The following PRKD2 variants were observed in gnomAD, a reference collection of about 807,000 sequenced individuals.
PRKD2 encodes serine/threonine-protein kinase D2.
A neutral mutation model predicts 86.0 loss-of-function variants in PRKD2; 22 were observed. The ratio of observed to expected loss-of-function variants is 0.26; its 90% CI spans 0.18 to 0.37. The LOEUF (loss-of-function observed/expected upper bound fraction) is 0.37. PRKD2 is among the 10% of genes least tolerant of loss of function. The pLI is 1.00. For missense variants in PRKD2, 818 were observed against 1,199.2 expected (o/e 0.68, Z 4.70); for synonymous variants, 509 against 510.9 (o/e 1.00, Z 0.05).
chr19:46,700,150 C>T (rs1225936347), intron 7 of PRKD2, among the ~76,000 whole-genome samples: 7 of 152,080 alleles, frequency 4.6e-5, no homozygotes, highest in African/African-American at 1.7e-4. Flanking sequence ...GCAGGAGAAT[C>T]GCTTGAACCC....
Position 46,678,273 on chromosome 19 carries a change from C to A in PRKD2, c.2338+123G>T. On this transcript the variant is annotated intron_variant, in intron 16 of 17. Transcript: ENST00000291281. This position sits in a 1 kb window ranked among gnomAD's most constrained non-coding sequence, Gnocchi z 5.7. ...CATCCCTCCAGTAGGCCCGCCCCAG[C>A]ACTGGGCTCCACCCCCAAGGTGCCA... The A allele has an allele frequency of 1.4e-6, 2 of 1,431,460 alleles. No homozygotes were observed. The highest frequency in any genetic ancestry group is 2.1e-5 in the Admixed American group (1 of 48,060). The allele number at this position is 1,431,460 out of a possible 1,614,324, so 88.7% of individuals were successfully genotyped here.
intron 7 of PRKD2, among the ~76,000 whole-genome samples, chr19:46,699,065 A>G (rs375825187): frequency 6.6e-6 from 1 of 152,028 alleles, no homozygotes. Flanking sequence ...TGGCTTACCC[A>G]TCCCCTTTCT....
At chr19:46,677,241 AG>A (rs1376274492) in intron 16 of PRKD2, 1 of 152,430 alleles carries the variant, frequency 6.6e-6, no homozygotes, top group Non-Finnish European at 1.5e-5. Context: ...CACCCTCCAG[AG>A]AGGACCCTTC....
intron 16 of PRKD2, among the ~76,000 whole-genome samples, chr19:46,675,430 C>T (rs979491919): frequency 3.3e-5 from 5 of 151,932 alleles, no homozygotes; most frequent in African/African-American, 4.8e-5. Flanking sequence ...TACACCTGTA[C>T]TATTCTTTTT....
intron 9 of PRKD2, 124 bp from the exon 10 acceptor site, chr19:46,694,257 C>T: frequency 2.3e-6 from 3 of 1,287,842 alleles, no homozygotes; most frequent in Non-Finnish European, 3.2e-6. Context: ...AGTGGTCAGA[C>T]AAGTTCCCAG....
chr19:46,713,186 CT>C (rs59172459), intron 2 of PRKD2, among the ~76,000 whole-genome samples: 9,156 of 118,998 alleles, frequency 0.077, 968 homozygotes, highest in African/African-American at 0.25. Context: ...GCCCGGTTAA[CT>C]TTTTTTTTTT....
intron 9 of PRKD2, among the ~76,000 whole-genome samples, chr19:46,694,415 C>A (rs2053527632): frequency 6.6e-6 from 1 of 151,764 alleles, no homozygotes; most frequent in East Asian, 2.0e-4. Flanking sequence ...GCCAACATGG[C>A]AAAATCCCGT....
intron 14 of PRKD2, among the ~76,000 whole-genome samples, chr19:46,688,256 G>A (rs1427570113): frequency 1.3e-5 from 2 of 151,898 alleles, no homozygotes; most frequent in South Asian, 2.1e-4. Context: ...TCTGGCCTTA[G>A]CTTCCTGAGT....
At chr19:46,674,960 CT>C in intron 17 of PRKD2, 72 bp downstream of exon 17, 1 of 1,420,082 alleles carries the variant, frequency 7.0e-7, no homozygotes, top group Non-Finnish European at 9.7e-7. Flanking sequence ...CACAACCTGC[CT>C]AGCCAATAAG....
At chr19:46,702,031 G>GTTTT (rs869150137) in intron 5 of PRKD2, among the ~76,000 whole-genome samples, 7 of 122,144 alleles carry the variant, frequency 5.7e-5, no homozygotes, top group Non-Finnish European at 5.3e-5. Context: ...CTATGATTCT[G>GTTTT]TTTTTTGTTT....
chr19:46,714,165 C>T, intron 1 of PRKD2, 164 bp from the exon 2 acceptor site: 1 of 1,334,376 alleles, frequency 7.5e-7, no homozygotes, highest in Non-Finnish European at 9.6e-7. Flanking sequence ...CAGCGCGAGC[C>T]GGGCAGGATG....
In PRKD2 at chr19:46,674,945, T is replaced by A. The variant is rs45445792; in HGVS notation, c.2424+88A>T. ...CATTCCAGACCCAAGGAAACCTACA[T>A]CCTTCACAACCTGCCTAGCCAATAA... On this transcript the variant is annotated intron_variant, in intron 17 of 17. Coordinates refer to ENST00000291281, the MANE Select transcript of PRKD2 (RefSeq NM_016457.5). 5.3e-3 allele frequency: 7,207 copies of A among 1,353,930 alleles called. 31 individuals carry two copies. The highest frequency in any genetic ancestry group is 6.7e-3 in the Non-Finnish European group (6,545 of 975,264). 83.9% of individuals were successfully genotyped at this position (1,353,930 alleles called of 1,614,324 possible). A position where few individuals can be genotyped will look rare whatever the true frequency, so the allele number is the denominator to read the frequency against.
At chr19:46,703,764 T>C (rs1482382488) in intron 5 of PRKD2, among the ~76,000 whole-genome samples, 2 of 136,682 alleles carry the variant, frequency 1.5e-5, no homozygotes, top group African/African-American at 2.8e-5. Context: ...AGAGTGAGAC[T>C]CCGTCTCAAA....
At chr19:46,713,808 CAG>C in intron 2 of PRKD2, 53 bp downstream of exon 2, 1 of 1,266,370 alleles carries the variant, frequency 7.9e-7, no homozygotes. Flanking sequence ...TCTCCTCCCC[CAG>C]ATGCCCCGCC....
intron 14 of PRKD2, chr19:46,685,912 G>A (rs1029623407): frequency 3.3e-5 from 5 of 152,498 alleles, no homozygotes; most frequent in African/African-American, 4.8e-5. Context: ...TCGTGTCACT[G>A]CGCTCCAGCC....
Position 46,716,343 on chromosome 19 carries a change from C to T in PRKD2, c.28G>A (p.Gly10Arg). 1 of 1,386,878 alleles carries T rather than the reference C, an allele frequency of 7.2e-7. No homozygotes were observed. The allele number at this position is 1,386,878 out of a possible 1,614,324, so 85.9% of individuals were successfully genotyped here. Residue 10 changes from glycine to arginine, a missense_variant, in exon 1 of 18, where the codon GGG becomes AGG. By Grantham distance (125) the Gly-to-Arg change is moderately radical. Around this residue, in one of 5 missense-constraint regions of PRKD2, gnomAD observed 403 missense variants for 518.6 expected, o/e 0.78. Transcript: ENST00000291281. The surrounding 1 kb of genome is among the most constrained non-coding windows in gnomAD (Gnocchi z 7.9). The part of the protein sequence containing the change: MATAPSYPA[G>R]LPGSPGPGSP... ...CCCGGCCCGGGAGAGCCAGGGAGCC[C>T]GGCGGGATAAGAGGGGGCGGTGGCC...
intron 2 of PRKD2, among the ~76,000 whole-genome samples, chr19:46,713,045 G>A (rs1047033448): frequency 3.3e-5 from 5 of 151,612 alleles, no homozygotes; most frequent in African/African-American, 1.2e-4. Flanking sequence ...TAGAGATAGG[G>A]TCTCTCTCTG....
intron 16 of PRKD2, among the ~76,000 whole-genome samples, chr19:46,677,869 G>A (rs1384301481): frequency 6.6e-6 from 1 of 152,060 alleles, no homozygotes; most frequent in African/African-American, 2.4e-5. Context: ...TCACTGAACC[G>A]ACCCCAGGCT....
chr19:46,704,761 C>A (rs1412029878), intron 3 of PRKD2, 112 bp from the exon 4 acceptor site: 4 of 1,346,084 alleles, frequency 3.0e-6, no homozygotes, highest in South Asian at 1.5e-5. Flanking sequence ...CCCATCACCC[C>A]CCGCCAGCAC....
Sources: allele counts gnomAD v4.1 joint callset (sites outside exome capture counted in the v4.1 genomes callset), GRCh38; gene constraint gnomAD v4.1.1; regional missense constraint gnomAD v4.1.1; non-coding constraint Gnocchi (gnomAD v3.1); transcripts MANE v1.5; gene names NCBI Gene and HGNC (gene_info 2026-07-23, HGNC 2026-07-21).